Variants in RNGTT observed in about 807,000 individuals in gnomAD.
The protein encoded by RNGTT is mRNA-capping enzyme.
A neutral mutation model predicts 79.3 loss-of-function variants in RNGTT; 33 were observed. The ratio of observed to expected loss-of-function variants is 0.42; its 90% CI spans 0.32 to 0.56. The LOEUF (loss-of-function observed/expected upper bound fraction) is 0.56, where lower values mean the gene tolerates loss of function less well. RNGTT is among the 20% of genes least tolerant of loss of function. The pLI, the probability that RNGTT is intolerant of heterozygous loss-of-function variation, is 0.17. For synonymous variants in RNGTT, 222 were observed against 235.9 expected (o/e 0.94, Z 0.54); for missense variants, 497 against 739.1 (o/e 0.67, Z 3.80).
chr6:88,817,590 T>C (rs1294120210), intron 11 of RNGTT, among the ~76,000 whole-genome samples: 3 of 149,396 alleles, frequency 2.0e-5, no homozygotes, highest in African/African-American at 7.4e-5. Flanking sequence ...ACTCATATTC[T>C]CCAACTATCA....
At chr6:88,745,252 T>C (rs1034243340) in intron 13 of RNGTT, among the ~76,000 whole-genome samples, 3 of 152,222 alleles carry the variant, frequency 2.0e-5, no homozygotes, top group Non-Finnish European at 4.4e-5. Flanking sequence ...TCATCTACTC[T>C]GATATGACAC....
At chr6:88,960,512 T>C (rs912415279) in intron 1 of RNGTT, among the ~76,000 whole-genome samples, 1 of 152,084 alleles carries the variant, frequency 6.6e-6, no homozygotes, top group South Asian at 2.1e-4. Context: ...GGCAGGCGGA[T>C]CACCCGAGGT....
intron 9 of RNGTT, among the ~76,000 whole-genome samples, chr6:88,853,311 GC>G (rs1173736566): frequency 6.6e-6 from 1 of 152,028 alleles, no homozygotes; most frequent in African/African-American, 2.4e-5. Context: ...TTCAAGACCA[GC>G]CTGACCAACA....
intron 11 of RNGTT, among the ~76,000 whole-genome samples, chr6:88,819,640 G>A (rs1780436249): frequency 6.6e-6 from 1 of 152,050 alleles, no homozygotes; most frequent in African/African-American, 2.4e-5. Context: ...AATCATCCTT[G>A]TCTTCTTCAT....
chr6:88,767,313 A>T (rs1387267922), intron 13 of RNGTT, among the ~76,000 whole-genome samples: 1 of 152,116 alleles, frequency 6.6e-6, no homozygotes, highest in Non-Finnish European at 1.5e-5. Flanking sequence ...AAAAGAACAA[A>T]ATATATTTAA....
intron 14 of RNGTT, among the ~76,000 whole-genome samples, chr6:88,622,632 A>G (rs1342181119): frequency 6.6e-6 from 1 of 151,936 alleles, no homozygotes; most frequent in South Asian, 2.1e-4. Flanking sequence ...TTTGCTAACT[A>G]CTTCTCTTTT....
intron 13 of RNGTT, among the ~76,000 whole-genome samples, chr6:88,765,971 TGCA>T (rs946048084): frequency 9.2e-5 from 14 of 152,236 alleles, no homozygotes; most frequent in African/African-American, 2.9e-4. Flanking sequence ...TTGGACTTAG[TGCA>T]GCAAGTAACA....
chr6:88,704,477 A>G (rs1040482767), intron 13 of RNGTT, among the ~76,000 whole-genome samples: 4 of 152,030 alleles, frequency 2.6e-5, no homozygotes, highest in African/African-American at 9.7e-5. Context: ...GGAGTGAATC[A>G]TTTCACTCTC....
At chr6:88,912,272 C>T (rs900646616) in intron 4 of RNGTT, among the ~76,000 whole-genome samples, 12 of 151,790 alleles carry the variant, frequency 7.9e-5, no homozygotes, top group African/African-American at 2.9e-4. Context: ...ATCAGCCAAG[C>T]ATGGTGGCAT....
intron 8 of RNGTT, among the ~76,000 whole-genome samples, chr6:88,862,172 A>T (rs1012936339): frequency 1.3e-5 from 2 of 152,190 alleles, no homozygotes; most frequent in African/African-American, 4.8e-5. Flanking sequence ...TTGTATATTA[A>T]TGAGTTGACT....
chr6:88,828,659 T>C (rs539226823), intron 11 of RNGTT, among the ~76,000 whole-genome samples: 2 of 152,082 alleles, frequency 1.3e-5, no homozygotes, highest in South Asian at 2.1e-4. Context: ...GTTAGAGGAA[T>C]TGCTAACTAG....
intron 13 of RNGTT, among the ~76,000 whole-genome samples, chr6:88,760,325 C>T (rs920009574): frequency 3.9e-5 from 6 of 152,126 alleles, no homozygotes; most frequent in Non-Finnish European, 8.8e-5. Context: ...CAAGAGATAA[C>T]CAGGCAAAGG....
chr6:88,795,723 C>CA (rs1297800270), intron 12 of RNGTT, among the ~76,000 whole-genome samples: 7 of 151,756 alleles, frequency 4.6e-5, no homozygotes, highest in African/African-American at 9.7e-5. Context: ...AACAAACAAA[C>CA]AAAAAACAAG....
At chr6:88,907,894 C>T (rs551085912) in intron 4 of RNGTT, among the ~76,000 whole-genome samples, 1 of 151,830 alleles carries the variant, frequency 6.6e-6, no homozygotes, top group East Asian at 1.9e-4. Flanking sequence ...ACACCACCAT[C>T]CCCAGCTAAT....
intron 14 of RNGTT, among the ~76,000 whole-genome samples, chr6:88,617,554 T>C (rs1042350062): frequency 2.0e-5 from 3 of 152,240 alleles, no homozygotes; most frequent in Non-Finnish European, 2.9e-5. Flanking sequence ...TCTCTATCTT[T>C]ATGCCAGTAA....
At chr6:88,756,342 G>C (rs1156914028) in intron 13 of RNGTT, among the ~76,000 whole-genome samples, 1 of 151,904 alleles carries the variant, frequency 6.6e-6, no homozygotes, top group Non-Finnish European at 1.5e-5. Context: ...GCGTGACGGT[G>C]CGCGCCTGTA....
Position 88,963,347 on chromosome 6 carries a change from T to C in RNGTT, c.63A>G (p.Ala21=). The C allele has an allele frequency of 6.2e-7, 1 of 1,612,226 alleles. No homozygotes were observed. The highest frequency in any genetic ancestry group is 8.5e-7 in the Non-Finnish European group (1 of 1,179,192). ...LNCPRRGQPV[A]GRFLPLKTML... Reference sequence around the variant, plus strand: ...CGAACGCCCCCCAGTCCAGGTTACCTGCCACCGGCTGGCCGCGCCGGGGAC... The same window carrying C: ...CGAACGCCCCCCAGTCCAGGTTACCCGCCACCGGCTGGCCGCGCCGGGGAC... Residue 21 remains alanine, a splice_region_variant and synonymous_variant, in exon 1 of 16, where the codon GCA becomes GCG. Coordinates refer to ENST00000369485, the MANE Select transcript of RNGTT (RefSeq NM_003800.5).
intron 15 of RNGTT, 23 bp from the exon 16 acceptor site, chr6:88,612,905 C>G: frequency 6.2e-7 from 1 of 1,608,028 alleles, no homozygotes; most frequent in South Asian, 1.1e-5. Context: ...GGAGACAGGT[C>G]TCATGTGAGG....
At chr6:88,866,020 T>A (rs1245538832) in intron 8 of RNGTT, among the ~76,000 whole-genome samples, 1 of 152,192 alleles carries the variant, frequency 6.6e-6, no homozygotes. Context: ...AAAAATTGAC[T>A]GATAAAGTCT....
Sources: gnomAD v4.1 joint callset for allele counts (sites outside exome capture counted in the v4.1 genomes callset) on GRCh38, gnomAD v4.1.1 for gene constraint, MANE v1.5 for transcripts, NCBI Gene and HGNC (gene_info 2026-07-23, HGNC 2026-07-21) for gene names.